Variants in ITCH observed in about 807,000 individuals in gnomAD.
The protein encoded by ITCH is itchy E3 ubiquitin protein ligase, also known as E3 ubiquitin-protein ligase Itchy homolog.
In ITCH, 28 loss-of-function variants were observed where a neutral mutation model predicts 126.8. The ratio of observed to expected loss-of-function variants is 0.22; its 90% CI spans 0.16 to 0.30. The LOEUF is 0.30. Among genes scored for constraint, ITCH ranks in the 10% least tolerant of loss-of-function variants. ITCH has a pLI of 1.00. For synonymous variants in ITCH, 342 were observed against 340.0 expected (o/e 1.01, Z -0.06); for missense variants, 631 against 1,032.4 (o/e 0.61, Z 5.33).
intron 11 of ITCH, 99 bp downstream of exon 11, chr20:34,445,560 A>G (rs1332204482): frequency 1.8e-6 from 2 of 1,140,348 alleles, no homozygotes; most frequent in Admixed American, 1.8e-5. Flanking sequence ...TGCAAGTAGC[A>G]TGGCAACCCA....
At chr20:34,467,332 C>A (rs1218214462) in intron 14 of ITCH, among the ~76,000 whole-genome samples, 2 of 152,014 alleles carry the variant, frequency 1.3e-5, no homozygotes, top group African/African-American at 4.8e-5. Context: ...AGTTCAAGAC[C>A]AGCCTAGGCA....
At chr20:34,380,846 G>A (rs149265102) in intron 2 of ITCH, among the ~76,000 whole-genome samples, 1 of 151,910 alleles carries the variant, frequency 6.6e-6, no homozygotes, top group African/African-American at 2.4e-5. Flanking sequence ...GGAGTGCAGT[G>A]GCACAATCGT....
intron 21 of ITCH, 103 bp from the exon 22 acceptor site, chr20:34,489,719 A>G (rs372551334): frequency 1.2e-6 from 1 of 832,840 alleles, no homozygotes; most frequent in Non-Finnish European, 2.1e-6. Flanking sequence ...GTCAAAGCCT[A>G]CTGATTGTTA....
chr20:34,436,112 AT>A (rs1337203242), intron 7 of ITCH, among the ~76,000 whole-genome samples: 1 of 152,178 alleles, frequency 6.6e-6, no homozygotes, highest in Non-Finnish European at 1.5e-5. Context: ...AAATCATAGC[AT>A]TTTTGGAATC....
intron 6 of ITCH, among the ~76,000 whole-genome samples, chr20:34,416,670 A>G (rs1468767744): frequency 6.6e-6 from 1 of 152,178 alleles, no homozygotes; most frequent in Non-Finnish European, 1.5e-5. Flanking sequence ...AATGGCAGTT[A>G]TATAAATAAA....
intron 20 of ITCH, among the ~76,000 whole-genome samples, chr20:34,482,194 C>G (rs1316311231): frequency 6.6e-6 from 1 of 152,136 alleles, no homozygotes; most frequent in African/African-American, 2.4e-5. Context: ...GACACAGAGC[C>G]AAACCATATC....
intron 6 of ITCH, among the ~76,000 whole-genome samples, chr20:34,415,136 G>A (rs1979648902): frequency 6.6e-6 from 1 of 152,222 alleles, no homozygotes; most frequent in Non-Finnish European, 1.5e-5. Flanking sequence ...ATTTCTTGAT[G>A]AGTTTGACGA....
In ITCH at chr20:34,456,182, GTGTATATATATATATA is replaced by G. The variant is rs1288022412; in HGVS notation, c.1211-1206_1211-1191del. 7.8e-3 allele frequency among the ~76,000 whole-genome samples: 289 copies of G among 37,156 alleles called. 1 individual carries two copies. The highest frequency in any genetic ancestry group is 0.016 in the African/African-American group (99 of 6,144). The allele number at this position is 37,156 out of a possible 152,430, so 24.4% of individuals were successfully genotyped here. On this transcript the variant is annotated intron_variant, in intron 12 of 24. Transcript: ENST00000374864. ...ATTGTGTGTGTGTGTGTGTGTGTGT[GTGTATATATATATATA>G]TATATATATATATATATTTTTTTTT... is the stretch of plus-strand genomic sequence containing the variant.
chr20:34,381,003 G>A (rs1183289310), intron 2 of ITCH, among the ~76,000 whole-genome samples: 1 of 151,962 alleles, frequency 6.6e-6, no homozygotes, highest in East Asian at 1.9e-4. Flanking sequence ...GGCCAGGCTG[G>A]TCTTGAACTC....
intron 7 of ITCH, among the ~76,000 whole-genome samples, chr20:34,428,654 G>A (rs980238809): frequency 2.6e-5 from 4 of 152,142 alleles, no homozygotes; most frequent in Non-Finnish European, 5.9e-5. Context: ...TTCACCTGAA[G>A]CATTTGCCCT....
chr20:34,500,379 C>T (rs1264953891), intron 23 of ITCH, among the ~76,000 whole-genome samples: 1 of 152,122 alleles, frequency 6.6e-6, no homozygotes, highest in African/African-American at 2.4e-5. Flanking sequence ...ATATAACTCT[C>T]ATATCCTCTT....
At chr20:34,388,806 G>T (rs1250942211) in intron 2 of ITCH, among the ~76,000 whole-genome samples, 2 of 152,214 alleles carry the variant, frequency 1.3e-5, no homozygotes, top group Non-Finnish European at 2.9e-5. Flanking sequence ...AATTATGAAT[G>T]TGAAGTTACA....
chr20:34,391,979 G>A (rs1180511826), intron 2 of ITCH, among the ~76,000 whole-genome samples: 1 of 152,180 alleles, frequency 6.6e-6, no homozygotes, highest in East Asian at 1.9e-4. Context: ...ATGAGCGACT[G>A]TTGATGGAGA....
chr20:34,481,716 T>A (rs931281065), intron 20 of ITCH, among the ~76,000 whole-genome samples: 1 of 152,072 alleles, frequency 6.6e-6, no homozygotes, highest in Non-Finnish European at 1.5e-5. Flanking sequence ...CTCCTGTTTT[T>A]AAAACCTCAT....
intron 16 of ITCH, among the ~76,000 whole-genome samples, chr20:34,474,780 G>T (rs1987986201): frequency 8.8e-6 from 1 of 113,650 alleles, no homozygotes; most frequent in East Asian, 2.4e-4. Context: ...AGGGCGGCTG[G>T]CCGGGCGGGG....
intron 24 of ITCH, among the ~76,000 whole-genome samples, chr20:34,506,166 C>T (rs1002870021): frequency 6.6e-6 from 1 of 151,988 alleles, no homozygotes. Context: ...CGGGCTCAAA[C>T]TGTCCTCCTA....
At chr20:34,377,476 T>G (rs2037890251) in intron 2 of ITCH, among the ~76,000 whole-genome samples, 1 of 152,162 alleles carries the variant, frequency 6.6e-6, no homozygotes, top group Non-Finnish European at 1.5e-5. Flanking sequence ...TAGACCTTAG[T>G]TTATACATTG....
At chr20:34,424,391 G>C in intron 6 of ITCH, 89 bp from the exon 7 acceptor site, 1 of 923,326 alleles carries the variant, frequency 1.1e-6, no homozygotes, top group Non-Finnish European at 1.8e-6. Context: ...TTTAATAAAA[G>C]GCTTTGCTTA....
chr20:34,408,860 A>G, intron 4 of ITCH, 68 bp downstream of exon 4: 1 of 1,530,162 alleles, frequency 6.5e-7, no homozygotes, highest in South Asian at 1.2e-5. Context: ...AATTTAAAAA[A>G]ATGTTTCTCA....
Sources: gnomAD v4.1 joint callset for allele counts (sites outside exome capture counted in the v4.1 genomes callset) on GRCh38, gnomAD v4.1.1 for gene constraint, MANE v1.5 for transcripts, NCBI Gene and HGNC (gene_info 2026-07-23, HGNC 2026-07-21) for gene names.